PPM1H: variants seen among roughly 807,000 people sequenced by gnomAD.
PPM1H encodes protein phosphatase, Mg2+/Mn2+ dependent 1H.
PPM1H carries 27 observed loss-of-function variants against 54.9 expected under a neutral mutation model. The observed-to-expected ratio is 0.49, with a 90% CI of 0.36 to 0.68. PPM1H has a LOEUF of 0.68. Ranked by LOEUF, PPM1H falls within the 30% of genes least tolerant of loss-of-function variation. The pLI, the probability that PPM1H is intolerant of heterozygous loss-of-function variation, is 0.00. For missense variants in PPM1H, 596 were observed against 667.8 expected, an observed-to-expected ratio of 0.89 and a Z score of 1.19; for synonymous variants, 305 against 270.8, an observed-to-expected ratio of 1.13 and a Z score of -1.24.
chr12:62,669,289 A>T (rs1419357805), intron 8 of PPM1H, among the ~76,000 whole-genome samples: 1 of 152,018 alleles, frequency 6.6e-6, no homozygotes, highest in African/African-American at 2.4e-5. Context: ...GAAACAAGCA[A>T]CCCTCCTATG....
chr12:62,754,070 C>T (rs529669493), intron 4 of PPM1H, among the ~76,000 whole-genome samples: 2 of 152,288 alleles, frequency 1.3e-5, no homozygotes, highest in East Asian at 3.9e-4. Context: ...ATCAAATCCT[C>T]TGACTTCAAT....
chr12:62,836,641 G>T (rs1868511518), intron 1 of PPM1H, among the ~76,000 whole-genome samples: 1 of 152,158 alleles, frequency 6.6e-6, no homozygotes, highest in South Asian at 2.1e-4. Context: ...GTGTGTGTGT[G>T]TTGGGGAGGG....
intron 4 of PPM1H, among the ~76,000 whole-genome samples, chr12:62,751,838 CA>C (rs2076444014): frequency 1.3e-5 from 2 of 152,144 alleles, no homozygotes; most frequent in Non-Finnish European, 2.9e-5. Context: ...TGCTCCTGTT[CA>C]AAATAAGTTA....
intron 9 of PPM1H, among the ~76,000 whole-genome samples, chr12:62,650,414 G>T (rs180864710): frequency 4.6e-5 from 7 of 152,284 alleles, no homozygotes; most frequent in Admixed American, 1.3e-4. Context: ...GATGCAAACA[G>T]TTCGTCCTGA....
chr12:62,838,620 T>C (rs1413634064), intron 1 of PPM1H, among the ~76,000 whole-genome samples: 1 of 151,220 alleles, frequency 6.6e-6, no homozygotes, highest in Non-Finnish European at 1.5e-5. Context: ...AAAACATCCA[T>C]CAAGAATAAT....
Position 62,672,246 on chromosome 12 carries a change from C to T in PPM1H, c.1246-4917G>A, listed in dbSNP as rs576909762. Among the ~76,000 whole-genome samples the T allele has an allele frequency of 8.4e-4, 128 of 152,254 alleles. No individual in the cohort carries two copies. In the South Asian group the frequency reaches 8.5e-3, roughly 10 times the overall value. ...CCTGGAATATGGCAGAATACTATTG[C>T]TTTTGCGAGAGCAACCAGGTGAAGA... is the stretch of plus-strand genomic sequence containing the variant. On this transcript the variant is annotated intron_variant, in intron 8 of 9. Coordinates refer to ENST00000228705, the MANE Select transcript of PPM1H (RefSeq NM_020700.2).
chr12:62,932,797 G>T (rs1348708294), intron 1 of PPM1H, among the ~76,000 whole-genome samples: 1 of 151,736 alleles, frequency 6.6e-6, no homozygotes, highest in Non-Finnish European at 1.5e-5. Context: ...ACCACGCCCG[G>T]CTAATTTTTG....
At chr12:62,837,753 TA>T (rs1868546416) in intron 1 of PPM1H, among the ~76,000 whole-genome samples, 1 of 152,234 alleles carries the variant, frequency 6.6e-6, no homozygotes, top group Admixed American at 6.5e-5. Flanking sequence ...TGTTATTTAA[TA>T]ATAATACACC....
intron 4 of PPM1H, among the ~76,000 whole-genome samples, chr12:62,783,278 T>C (rs1233229848): frequency 6.6e-6 from 1 of 152,192 alleles, no homozygotes; most frequent in Non-Finnish European, 1.5e-5. Context: ...CTGCAGTGCG[T>C]TTAAAATAGC....
intron 1 of PPM1H, among the ~76,000 whole-genome samples, chr12:62,848,773 A>G (rs1592633828): frequency 1.3e-5 from 2 of 152,148 alleles, no homozygotes; most frequent in Non-Finnish European, 2.9e-5. Flanking sequence ...TTTATAATCC[A>G]CTGGTGGTGG....
intron 8 of PPM1H, among the ~76,000 whole-genome samples, chr12:62,671,193 A>G (rs1021593376): frequency 1.3e-5 from 2 of 151,982 alleles, no homozygotes; most frequent in Admixed American, 1.3e-4. Flanking sequence ...CATCAAACTA[A>G]TGGGCTCTGA....
chr12:62,787,888 T>C (rs2076682103), intron 4 of PPM1H, among the ~76,000 whole-genome samples: 1 of 152,128 alleles, frequency 6.6e-6, no homozygotes, highest in Admixed American at 6.6e-5. Flanking sequence ...CCAGGCCCCC[T>C]TCCAAACACC....
At chr12:62,916,468 T>C (rs527473152) in intron 1 of PPM1H, among the ~76,000 whole-genome samples, 2 of 152,316 alleles carry the variant, frequency 1.3e-5, no homozygotes, top group African/African-American at 4.8e-5. Context: ...TATAAGTACC[T>C]AACCAATGAT....
chr12:62,863,649 T>A (rs1398065270), intron 1 of PPM1H, among the ~76,000 whole-genome samples: 1 of 152,182 alleles, frequency 6.6e-6, no homozygotes, highest in South Asian at 2.1e-4. Flanking sequence ...TTAATCTGAC[T>A]CTTACTATAG....
At chr12:62,715,211 T>C (rs2076228406) in intron 6 of PPM1H, among the ~76,000 whole-genome samples, 1 of 152,122 alleles carries the variant, frequency 6.6e-6, no homozygotes, top group East Asian at 1.9e-4. Context: ...GGCAACACAA[T>C]GCCAGCTACA....
intron 1 of PPM1H, among the ~76,000 whole-genome samples, chr12:62,897,556 C>T (rs1871032881): frequency 1.3e-5 from 2 of 152,088 alleles, no homozygotes; most frequent in Non-Finnish European, 2.9e-5. Flanking sequence ...TGTCCATACC[C>T]TGTAAGAACC....
chr12:62,854,449 C>T (rs1369904327), intron 1 of PPM1H, among the ~76,000 whole-genome samples: 1 of 151,472 alleles, frequency 6.6e-6, no homozygotes, highest in African/African-American at 2.4e-5. Context: ...CACACTACTT[C>T]TAATTATTTG....
intron 1 of PPM1H, among the ~76,000 whole-genome samples, chr12:62,929,216 T>A (rs889370598): frequency 6.6e-6 from 1 of 152,170 alleles, no homozygotes; most frequent in East Asian, 1.9e-4. Flanking sequence ...TTCTTGAGGA[T>A]AATGACTATG....
intron 6 of PPM1H, among the ~76,000 whole-genome samples, chr12:62,714,197 G>A (rs1179963265): frequency 1.3e-5 from 2 of 152,110 alleles, no homozygotes; most frequent in Non-Finnish European, 2.9e-5. Context: ...CTGAGATGTG[G>A]CTAGGGCAAC....
Sources: allele counts gnomAD v4.1 joint callset (sites outside exome capture counted in the v4.1 genomes callset), GRCh38; gene constraint gnomAD v4.1.1; transcripts MANE v1.5; gene names NCBI Gene and HGNC (gene_info 2026-07-23, HGNC 2026-07-21).